Variants in ETS1 observed in about 807,000 individuals in gnomAD.
The protein encoded by ETS1 is protein C-ets-1.
A neutral mutation model predicts 58.6 loss-of-function variants in ETS1; 15 were observed. The observed-to-expected ratio is 0.26, with a 90% CI of 0.17 to 0.39. ETS1 has a LOEUF of 0.39. Ranked by LOEUF, ETS1 falls within the 10% of genes least tolerant of loss-of-function variation. ETS1 has a pLI of 1.00. For missense variants in ETS1, 417 were observed against 610.5 expected (o/e 0.68, Z 3.34); for synonymous variants, 214 against 218.2 (o/e 0.98, Z 0.17).
chr11:128,511,703 T>C (rs769476080), intron 3 of ETS1, among the ~76,000 whole-genome samples: 64 of 152,226 alleles, frequency 4.2e-4, no homozygotes, highest in Non-Finnish European at 4.0e-4. Context: ...AAGCTAACGT[T>C]TATTAATAAC....
At position 128,549,171 on chromosome 11, in the gene ETS1, G is replaced by A. The variant is rs1037608681; in HGVS notation, c.214+7120C>T. On this transcript the variant is annotated intron_variant, in intron 3 of 9. Transcript: ENST00000392668. The surrounding 1 kb of genome is among the most constrained non-coding windows in gnomAD (Gnocchi z 4.3). ...CAGCTATAAACACAGTGAACATCTG[G>A]AGAGAGAGCCCGTGTCTCTAGGCGG... Among the ~76,000 whole-genome samples, 5 of 152,200 alleles carry A rather than the reference G, an allele frequency of 3.3e-5. No individual in the cohort carries two copies. The highest frequency in any genetic ancestry group is 4.4e-5 in the Non-Finnish European group (3 of 68,020).
In ETS1 at chr11:128,463,483, G is replaced by A. The variant is rs1242687465; in HGVS notation, c.1242+26C>T. On this transcript the variant is annotated intron_variant, in intron 9 of 9. Coordinates refer to ENST00000392668, the MANE Select transcript of ETS1 (RefSeq NM_001143820.2). This position sits in a 1 kb window ranked among gnomAD's most constrained non-coding sequence, Gnocchi z 4.1. ...TTTTCTCTCATCCTTCCTCAACACA[G>A]TACTCGCAAGCCCCTCCTTCCTTAC... The A allele has an allele frequency of 1.6e-6, 2 of 1,256,920 alleles. No homozygotes were observed. The highest frequency in any genetic ancestry group is 2.9e-5 in the African/African-American group (2 of 67,988). 77.9% of individuals were successfully genotyped at this position (1,256,920 alleles called of 1,614,324 possible). A position where few individuals can be genotyped will look rare whatever the true frequency, so the allele number is the denominator to read the frequency against.
At chr11:128,542,526 C>CA (rs1395167160) in intron 3 of ETS1, among the ~76,000 whole-genome samples, 1 of 151,774 alleles carries the variant, frequency 6.6e-6, no homozygotes, top group Middle Eastern at 3.4e-3. Context: ...CACTTAAAAA[C>CA]AAAAAGATCC....
In ETS1 at chr11:128,488,847, G is replaced by C. The variant is rs538599293; in HGVS notation, c.535+443C>G. Reference sequence around the variant, plus strand: ...GCAGAGAAATCTGTCTTATTAATACGGTCTCAGACGCTAAGCTTTCCCGGG... The same window carrying C: ...GCAGAGAAATCTGTCTTATTAATACCGTCTCAGACGCTAAGCTTTCCCGGG... On this transcript the variant is annotated intron_variant, in intron 5 of 9. Transcript: ENST00000392668. Among the ~76,000 whole-genome samples the C allele has an allele frequency of 2.8e-4, 42 of 152,200 alleles. 1 individual carries two copies. The South Asian group carries it at 8.5e-3, about 31-fold the overall frequency.
chr11:128,526,854 T>A (rs1863810168), intron 3 of ETS1: 1 of 452,626 alleles, frequency 2.2e-6, no homozygotes, highest in Non-Finnish European at 4.4e-6. Flanking sequence ...TGGGAGTTTA[T>A]CAGTGCTCTC....
chr11:128,509,358 CT>C (rs1863329059), intron 3 of ETS1, among the ~76,000 whole-genome samples: 1 of 152,204 alleles, frequency 6.6e-6, no homozygotes, highest in Non-Finnish European at 1.5e-5. Context: ...AAGCCCTAGG[CT>C]TGTGCCTCTG....
chr11:128,548,701 G>T (rs1025663041), intron 3 of ETS1, among the ~76,000 whole-genome samples: 11 of 152,232 alleles, frequency 7.2e-5, no homozygotes, highest in Non-Finnish European at 1.5e-4. Context: ...GGCAGCCCAC[G>T]CCCGTCCTCT....
In ETS1 at chr11:128,490,530, T is replaced by C; in HGVS notation, c.261A>G (p.Glu87=). 1 of 1,613,224 alleles carries C rather than the reference T, an allele frequency of 6.2e-7. No individual in the cohort carries two copies. Among genetic ancestry groups the C allele is most frequent in the Non-Finnish European group, 8.5e-7 (1 of 1,179,172 alleles). The part of the protein sequence containing the change: ...DVPLLTPSSK[E]MMSQALKATF... ...TAGCTTTTAATGCTTGAGACATCAT[T>C]TCTTTGCTGCTTGGAGTTAATAGTG... Residue 87 remains glutamate (E), a synonymous_variant, in exon 4 of 10, where the codon GAA becomes GAG. Coordinates refer to ENST00000392668, the MANE Select transcript of ETS1 (RefSeq NM_001143820.2).
At chr11:128,532,994 C>T (rs887330189) in intron 3 of ETS1, among the ~76,000 whole-genome samples, 1 of 152,162 alleles carries the variant, frequency 6.6e-6, no homozygotes, top group Non-Finnish European at 1.5e-5. Context: ...TGTCAGAAAC[C>T]TCTGCAAAGA....
intron 4 of ETS1, 76 bp downstream of exon 4, chr11:128,490,381 C>T (rs575277484): frequency 1.9e-5 from 29 of 1,517,770 alleles, no homozygotes; most frequent in Non-Finnish European, 2.6e-5. Context: ...GTCTGCCTCA[C>T]ACACTCCAGG....
At chr11:128,566,743 A>C (rs1453712868) in intron 2 of ETS1, among the ~76,000 whole-genome samples, 1 of 151,588 alleles carries the variant, frequency 6.6e-6, no homozygotes, top group Non-Finnish European at 1.5e-5. Context: ...AGAGGGCGCC[A>C]CTGCACTCCA....
rs578207685 is a variant in ETS1 at position 128,558,366 on chromosome 11, C to G, written c.70-1931G>C. On this transcript the variant is annotated intron_variant, in intron 2 of 9. Coordinates refer to ENST00000392668, the MANE Select transcript of ETS1 (RefSeq NM_001143820.2). ...CATCAGTCAGAAAATGTTTCCTGGC[C>G]GGGCGCGGTGGCTCACGCCTGTCAT... Among the ~76,000 whole-genome samples the G allele has an allele frequency of 1.4e-3, 213 of 152,248 alleles. 1 individual carries two copies. Among genetic ancestry groups the G allele is most frequent in the Middle Eastern group, 0.014 (4 of 294 alleles).
intron 3 of ETS1, among the ~76,000 whole-genome samples, chr11:128,544,935 G>A (rs201868857): frequency 6.6e-6 from 1 of 151,210 alleles, no homozygotes; most frequent in Non-Finnish European, 1.5e-5. Flanking sequence ...ACTGTGGGTA[G>A]CTTCAAGGGT....
At chr11:128,550,215 A>G (rs1864207882) in intron 3 of ETS1, among the ~76,000 whole-genome samples, 1 of 152,244 alleles carries the variant, frequency 6.6e-6, no homozygotes, top group African/African-American at 2.4e-5. Flanking sequence ...ACACCAGGCC[A>G]AACCCTCTGC....
At position 128,552,886 on chromosome 11, in the gene ETS1, G is replaced by A. The variant is rs1365753463; in HGVS notation, c.214+3405C>T. Among the ~76,000 whole-genome samples, 4 of 152,298 alleles carry A rather than the reference G, an allele frequency of 2.6e-5. No homozygotes were observed. In the South Asian group the frequency reaches 6.2e-4, roughly 24 times the overall value. ...GGAACCAGTCATGACAGTTAATGAC[G>A]GTAAAACGTCAGTGAGCTCTTAGAG... On this transcript the variant is annotated intron_variant, in intron 3 of 9. Coordinates refer to ENST00000392668, the MANE Select transcript of ETS1 (RefSeq NM_001143820.2).
At chr11:128,579,112 C>T (rs1002295939) in intron 1 of ETS1, among the ~76,000 whole-genome samples, 8 of 152,168 alleles carry the variant, frequency 5.3e-5, no homozygotes, top group Non-Finnish European at 1.2e-4. Context: ...ATGTTAGCTT[C>T]ATAGGCAATG....
intron 1 of ETS1, among the ~76,000 whole-genome samples, chr11:128,576,250 G>A (rs1346798105): frequency 6.6e-6 from 1 of 152,138 alleles, no homozygotes; most frequent in East Asian, 1.9e-4. Context: ...AAAAGAACCC[G>A]CCCTTTTTCC....
At chr11:128,509,550 AT>A (rs59753000) in intron 3 of ETS1, among the ~76,000 whole-genome samples, 11,290 of 94,950 alleles carry the variant, frequency 0.12, 469 homozygotes, top group East Asian at 0.27. Flanking sequence ...TCAGGTGAAA[AT>A]TTTTTTTTTT....
intron 2 of ETS1, among the ~76,000 whole-genome samples, chr11:128,557,488 T>C (rs1356184393): frequency 6.6e-6 from 1 of 152,204 alleles, no homozygotes; most frequent in African/African-American, 2.4e-5. Context: ...GATAAGTATG[T>C]GAGGCCTGGT....
Sources: allele counts gnomAD v4.1 joint callset (sites outside exome capture counted in the v4.1 genomes callset), GRCh38; gene constraint gnomAD v4.1.1; non-coding constraint Gnocchi (gnomAD v3.1); transcripts MANE v1.5; gene names NCBI Gene and HGNC (gene_info 2026-07-23, HGNC 2026-07-21).